The following FBXL7 variants were observed in gnomAD, a reference collection of about 807,000 sequenced individuals.
The protein encoded by FBXL7 is F-box and leucine rich repeat protein 7.
In FBXL7, 12 loss-of-function variants were observed where a neutral mutation model predicts 38.3. That is an observed-to-expected ratio of 0.31 (90% CI 0.20 to 0.51). The LOEUF (loss-of-function observed/expected upper bound fraction) is 0.51, where lower values mean the gene tolerates loss of function less well. Ranked by LOEUF, FBXL7 falls within the 20% of genes least tolerant of loss-of-function variation. FBXL7 has a pLI of 0.98. For missense variants in FBXL7, 567 were observed against 676.4 expected, an observed-to-expected ratio of 0.84 and a Z score of 1.79; for synonymous variants, 297 against 300.9, an observed-to-expected ratio of 0.99 and a Z score of 0.13.
chr5:15,771,460 G>A (rs1211408773), intron 2 of FBXL7, among the ~76,000 whole-genome samples: 2 of 152,158 alleles, frequency 1.3e-5, no homozygotes, highest in Non-Finnish European at 2.9e-5. Flanking sequence ...TATTAAGTCC[G>A]TGGTGCCATA....
chr5:15,592,516 C>T (rs1352687964), intron 1 of FBXL7, among the ~76,000 whole-genome samples: 2 of 152,026 alleles, frequency 1.3e-5, no homozygotes, highest in East Asian at 1.9e-4. Context: ...TCTTTTTTTT[C>T]TATAGAGTGC....
At chr5:15,666,194 A>C (rs1239561648) in intron 2 of FBXL7, among the ~76,000 whole-genome samples, 1 of 152,098 alleles carries the variant, frequency 6.6e-6, no homozygotes, top group Non-Finnish European at 1.5e-5. Flanking sequence ...TTTTATTATT[A>C]TTTTTGGTTG....
intron 2 of FBXL7, among the ~76,000 whole-genome samples, chr5:15,651,100 C>CTTT (rs1430797556): frequency 3.1e-5 from 4 of 128,302 alleles, no homozygotes; most frequent in Non-Finnish European, 6.8e-5. Flanking sequence ...TTTTTTTTTT[C>CTTT]TTTTTTTTTT....
chr5:15,777,268 A>G lies in FBXL7; in HGVS notation c.128-150622A>G, dbSNP rs77974382. Among the ~76,000 whole-genome samples, 5 of 152,210 alleles carry G rather than the reference A, an allele frequency of 3.3e-5. No individual in the cohort carries two copies. The East Asian group carries it at 5.8e-4, about 18-fold the overall frequency. On this transcript the variant is annotated intron_variant, in intron 2 of 3. Coordinates refer to ENST00000504595, the MANE Select transcript of FBXL7 (RefSeq NM_012304.5). Reference sequence around the variant, plus strand: ...GATCCAGCATTGTTTTCACTCTACAATATGACTCCTCCACTAGCTCAAAAT... The same window carrying G: ...GATCCAGCATTGTTTTCACTCTACAGTATGACTCCTCCACTAGCTCAAAAT...
intron 2 of FBXL7, among the ~76,000 whole-genome samples, chr5:15,738,283 T>C (rs911485773): frequency 2.0e-5 from 3 of 152,144 alleles, no homozygotes; most frequent in Non-Finnish European, 4.4e-5. Flanking sequence ...AGAAGTAAAA[T>C]AATATAATAA....
chr5:15,503,732 G>A (rs1047701029), intron 1 of FBXL7, among the ~76,000 whole-genome samples: 8 of 152,118 alleles, frequency 5.3e-5, no homozygotes, highest in South Asian at 4.2e-4. Flanking sequence ...AATTTAATTC[G>A]GCTGAAGTTT....
chr5:15,912,478 C>G (rs1160700450), intron 2 of FBXL7, among the ~76,000 whole-genome samples: 5 of 148,972 alleles, frequency 3.4e-5, no homozygotes, highest in Non-Finnish European at 5.9e-5. Context: ...CAGAAATCAC[C>G]CGTCTTCTGC....
chr5:15,624,806 G>A, intron 2 of FBXL7, among the ~76,000 whole-genome samples: 1 of 150,218 alleles, frequency 6.7e-6, no homozygotes. Context: ...AGTCAGATTT[G>A]CTTCAGCCTC....
At chr5:15,667,859 G>T (rs528246061) in intron 2 of FBXL7, among the ~76,000 whole-genome samples, 7 of 152,118 alleles carry the variant, frequency 4.6e-5, no homozygotes, top group African/African-American at 1.4e-4. Context: ...ATTTTTGCTG[G>T]TATTAACCTT....
intron 2 of FBXL7, among the ~76,000 whole-genome samples, chr5:15,851,925 A>G (rs1019190342): frequency 3.3e-5 from 5 of 151,952 alleles, no homozygotes; most frequent in African/African-American, 1.2e-4. Flanking sequence ...CCCTAAGGTA[A>G]CCACTTTACT....
intron 1 of FBXL7, among the ~76,000 whole-genome samples, chr5:15,544,944 A>G (rs1436986080): frequency 6.6e-6 from 1 of 152,220 alleles, no homozygotes; most frequent in Non-Finnish European, 1.5e-5. Flanking sequence ...AGACCTTCTA[A>G]CATTTTATTA....
At chr5:15,895,123 T>C (rs1470463441) in intron 2 of FBXL7, among the ~76,000 whole-genome samples, 3 of 152,214 alleles carry the variant, frequency 2.0e-5, no homozygotes, top group Non-Finnish European at 4.4e-5. Context: ...TCTGTTAGGT[T>C]GGCACAAAAG....
At chr5:15,718,262 T>C (rs1185982659) in intron 2 of FBXL7, among the ~76,000 whole-genome samples, 1 of 152,194 alleles carries the variant, frequency 6.6e-6, no homozygotes, top group East Asian at 1.9e-4. Flanking sequence ...TATTGTACTC[T>C]TGCGCTTTTT....
chr5:15,833,293 A>G (rs1458515383), intron 2 of FBXL7, among the ~76,000 whole-genome samples: 1 of 152,152 alleles, frequency 6.6e-6, no homozygotes, highest in Non-Finnish European at 1.5e-5. Context: ...CTGTGTCCTC[A>G]CATGGTGGAA....
At chr5:15,744,150 TGCAAATTTCTGAA>T (rs1449383397) in intron 2 of FBXL7, among the ~76,000 whole-genome samples, 1 of 152,262 alleles carries the variant, frequency 6.6e-6, no homozygotes, top group Admixed American at 6.5e-5. Context: ...TTGTTACTCA[TGCAAATTTCTGAA>T]GCCAGCTTAA....
rs1486024218 is a variant in FBXL7 at position 15,768,363 on chromosome 5, C to T, written c.127+152291C>T. Among the ~76,000 whole-genome samples the T allele has an allele frequency of 2.6e-5, 4 of 151,956 alleles. No individual in the cohort carries two copies. In the South Asian group the frequency reaches 6.2e-4, roughly 24 times the overall value. On this transcript the variant is annotated intron_variant, in intron 2 of 3. Transcript: ENST00000504595. ...TGGCTAACACGGTGAAACCCAGTCC[C>T]TACTGAAAATACAAAAAATTAGCCT...
In FBXL7 at chr5:15,722,847, C is replaced by G. The variant is rs187696359; in HGVS notation, c.127+106775C>G. Among the ~76,000 whole-genome samples, 436 of 150,506 alleles carry G rather than the reference C, an allele frequency of 2.9e-3. 6 individuals are homozygous for G. Among genetic ancestry groups the G allele is most frequent in the Admixed American group, 0.027 (404 of 14,964 alleles). On this transcript the variant is annotated intron_variant, in intron 2 of 3. Transcript: ENST00000504595. ...CTGAGGCAGGAGAATCACTTGAACC[C>G]GGGAAGCGAAGGTTGCAGTGAGCCG...
chr5:15,683,117 TC>T (rs1454732090), intron 2 of FBXL7, among the ~76,000 whole-genome samples: 1 of 152,188 alleles, frequency 6.6e-6, no homozygotes, highest in Non-Finnish European at 1.5e-5. Flanking sequence ...TGTTTCCATT[TC>T]AAATGCAGAA....
intron 2 of FBXL7, among the ~76,000 whole-genome samples, chr5:15,735,861 G>A (rs78347005): frequency 0.053 from 8,063 of 152,226 alleles, 230 homozygotes; most frequent in East Asian, 0.084. Context: ...TGAATAGTGT[G>A]GTGCACTGAG....
Sources: gnomAD v4.1 joint callset for allele counts (sites outside exome capture counted in the v4.1 genomes callset) on GRCh38, gnomAD v4.1.1 for gene constraint, MANE v1.5 for transcripts, NCBI Gene and HGNC (gene_info 2026-07-23, HGNC 2026-07-21) for gene names.